Variants in NOTCH2 observed in about 807,000 individuals in gnomAD.
NOTCH2 encodes the protein neurogenic locus notch homolog protein 2.
A neutral mutation model predicts 235.8 loss-of-function variants in NOTCH2; 29 were observed. The ratio of observed to expected loss-of-function variants is 0.12; its 90% CI spans 0.09 to 0.17. The LOEUF (loss-of-function observed/expected upper bound fraction) is 0.17, where lower values mean the gene tolerates loss of function less well. NOTCH2 is among the 10% of genes least tolerant of loss of function. The pLI is 1.00. For synonymous variants in NOTCH2, 1,086 were observed against 1,141.5 expected (o/e 0.95, Z 0.98); for missense variants, 2,285 against 3,150.2 (o/e 0.73, Z 6.57).
intron 4 of NOTCH2, 144 bp from the exon 5 acceptor site, chr1:119,987,226 A>C (rs1652054712): frequency 1.1e-6 from 1 of 939,280 alleles, no homozygotes; most frequent in Non-Finnish European, 1.6e-6. Flanking sequence ...ACCATATGAA[A>C]AATCCCCAAT....
intron 1 of NOTCH2, among the ~76,000 whole-genome samples, chr1:120,038,799 G>C (rs1654421188): frequency 6.7e-6 from 1 of 150,322 alleles, no homozygotes; most frequent in Admixed American, 6.6e-5. Context: ...TGAGAAAGTA[G>C]AATTGTACTT....
In NOTCH2 at chr1:119,925,137, T is replaced by C. The variant is rs587619933; in HGVS notation, c.4511+168A>G. Among the ~76,000 whole-genome samples, 9 of 152,258 alleles carry C rather than the reference T, an allele frequency of 5.9e-5. No homozygotes were observed. The East Asian group carries it at 1.4e-3, about 23-fold the overall frequency. ...TTATGCAATGAGCATTCCTGGCCCATTGTCAGCAAGGGAGAGCACAGGGCA... is the reference window on the plus strand; with the variant it reads ...TTATGCAATGAGCATTCCTGGCCCACTGTCAGCAAGGGAGAGCACAGGGCA... On this transcript the variant is annotated intron_variant, in intron 25 of 33. Coordinates refer to ENST00000256646, the MANE Select transcript of NOTCH2 (RefSeq NM_024408.4).
At chr1:119,973,950 C>T (rs587658138) in intron 5 of NOTCH2, among the ~76,000 whole-genome samples, 2 of 151,580 alleles carry the variant, frequency 1.3e-5, no homozygotes, top group African/African-American at 2.4e-5. Context: ...AGTATGAATT[C>T]GGAACTTGAT....
Position 119,973,116 on chromosome 1 carries a change from A to G in NOTCH2, c.875-3372T>C, listed in dbSNP as rs587635595. Reference sequence around the variant, plus strand: ...TTCGATAGTGCTTGTTAGGGACAGGAAATTTAGAGATCCAAGAAGATAGTG... The same window carrying G: ...TTCGATAGTGCTTGTTAGGGACAGGGAATTTAGAGATCCAAGAAGATAGTG... On this transcript the variant is annotated intron_variant, in intron 5 of 33. Transcript: ENST00000256646. 1.5e-4 allele frequency among the ~76,000 whole-genome samples: 23 copies of G among 152,322 alleles called. No individual in the cohort carries two copies. The East Asian group carries it at 3.5e-3, about 23-fold the overall frequency.
chr1:119,986,351 A>G (rs1553202215), intron 5 of NOTCH2, among the ~76,000 whole-genome samples: 2 of 152,342 alleles, frequency 1.3e-5, no homozygotes, highest in East Asian at 3.9e-4. Flanking sequence ...GAAACTTCCA[A>G]GAGGCTGTAA....
rs1038759531 is a variant in NOTCH2, at chr1:119,914,933, A to G, written c.*373T>C. On this transcript the variant is annotated 3_prime_UTR_variant, in exon 34 of 34. Transcript: ENST00000256646. ...ATAATTCCCAACAGGACGCTAGTGT[A>G]GAATCTTCTCATGGATATGGCAGAA... 12 of 403,382 alleles carry G rather than the reference A, an allele frequency of 3.0e-5. No homozygotes were observed. Among genetic ancestry groups the G allele is most frequent in the Non-Finnish European group, 5.1e-5 (11 of 217,306 alleles). The allele number at this position is 403,382 out of a possible 1,614,324, so 25.0% of individuals were successfully genotyped here.
In NOTCH2 at chr1:120,066,115, T is replaced by C. The variant is rs2799245; in HGVS notation, c.73+3219A>G. ...CTTCTAAAGGGTCAATGCAGACATATTGCACCCAGATAAATAGAAGAAATG... is the reference window on the plus strand; with the variant it reads ...CTTCTAAAGGGTCAATGCAGACATACTGCACCCAGATAAATAGAAGAAATG... On this transcript the variant is annotated intron_variant, in intron 1 of 33. Coordinates refer to ENST00000256646, the MANE Select transcript of NOTCH2 (RefSeq NM_024408.4). Among the ~76,000 whole-genome samples, 55 of 152,250 alleles carry C rather than the reference T, an allele frequency of 3.6e-4. 1 individual carries two copies. In the East Asian group the frequency reaches 7.5e-3, roughly 21 times the overall value.
chr1:119,970,870 G>C (rs955590539), intron 5 of NOTCH2, among the ~76,000 whole-genome samples: 1 of 152,150 alleles, frequency 6.6e-6, no homozygotes, highest in African/African-American at 2.4e-5. Context: ...AATATGTCAA[G>C]GTGTCCTTCA....
intron 12 of NOTCH2, among the ~76,000 whole-genome samples, chr1:119,958,215 C>G (rs1323888238): frequency 6.6e-6 from 1 of 152,152 alleles, no homozygotes; most frequent in African/African-American, 2.4e-5. Context: ...TGCAGAACAT[C>G]AGGCTACTAC....
intron 3 of NOTCH2, among the ~76,000 whole-genome samples, chr1:119,999,903 AAGAG>A (rs1239709294): frequency 1.4e-5 from 2 of 144,524 alleles, no homozygotes; most frequent in African/African-American, 2.6e-5. Flanking sequence ...AAGAGAGAGA[AAGAG>A]AGAAAGAGAG....
rs1403072397 is a variant in NOTCH2, at chr1:119,929,003, G to C, written c.3865C>G (p.Leu1289Val). ...LDCIQLTNDY[L>V]CVCRSAFTGR... Reference sequence around the variant, plus strand: ...GTAAAGGCACTACGGCAAACACACAGGTAGTCATTGGTGAGCTGTATACAG... The same window carrying C: ...GTAAAGGCACTACGGCAAACACACACGTAGTCATTGGTGAGCTGTATACAG... The change falls in exon 23 of 34, where the codon CTG (leucine) becomes GTG (valine). Residue 1289 changes from leucine (L) to valine (V), a missense_variant. Transcript: ENST00000256646. 2.7e-5 allele frequency: 44 copies of C among 1,614,150 alleles called. No homozygotes were observed. The highest frequency in any genetic ancestry group is 3.7e-5 in the Non-Finnish European group (44 of 1,180,018).
Position 119,915,216 on chromosome 1 carries a change from T to G in NOTCH2, c.*90A>C. 2.2e-6 allele frequency: 3 copies of G among 1,338,126 alleles called. No individual in the cohort carries two copies. The highest frequency in any genetic ancestry group is 3.2e-6 in the Non-Finnish European group (3 of 939,306). The allele number at this position is 1,338,126 out of a possible 1,614,324, so 82.9% of individuals were successfully genotyped here. A position where few individuals can be genotyped will look rare whatever the true frequency, so the allele number is the denominator to read the frequency against. ...TACCTCTAGAAGCTGGCTCCAGAGATTTCTTCATTTCTCTCCCGGATGACC... is the reference window on the plus strand; with the variant it reads ...TACCTCTAGAAGCTGGCTCCAGAGAGTTCTTCATTTCTCTCCCGGATGACC... On this transcript the variant is annotated 3_prime_UTR_variant, in exon 34 of 34. Transcript: ENST00000256646.
intron 5 of NOTCH2, among the ~76,000 whole-genome samples, chr1:119,979,197 G>A (rs1651714916): frequency 6.6e-6 from 1 of 152,170 alleles, no homozygotes; most frequent in Admixed American, 6.5e-5. Context: ...AACCTTAAGA[G>A]AGCTCTCACA....
At chr1:119,957,496 A>G (rs1553198477) in intron 12 of NOTCH2, among the ~76,000 whole-genome samples, 3 of 152,208 alleles carry the variant, frequency 2.0e-5, no homozygotes, top group Non-Finnish European at 4.4e-5. Context: ...ATGATATGGG[A>G]AAAATATATT....
chr1:120,065,760 C>A (rs1408305197), intron 1 of NOTCH2, among the ~76,000 whole-genome samples: 3 of 151,914 alleles, frequency 2.0e-5, no homozygotes, highest in African/African-American at 7.3e-5. Context: ...AAGTCATTTG[C>A]AGAGAAAGGG....
At chr1:119,953,303 A>G (rs1650555705) in intron 14 of NOTCH2, among the ~76,000 whole-genome samples, 1 of 138,592 alleles carries the variant, frequency 7.2e-6, no homozygotes, top group African/African-American at 3.4e-5. Flanking sequence ...ACAAGAGCAA[A>G]ACTCTGTGTC....
chr1:119,970,082 G>A (rs1651303312), intron 5 of NOTCH2, among the ~76,000 whole-genome samples: 2 of 152,152 alleles, frequency 1.3e-5, no homozygotes, highest in Non-Finnish European at 2.9e-5. Context: ...AGCAAGGAGA[G>A]AAGAGTATAA....
At chr1:120,045,807 A>AT (rs1409162309) in intron 1 of NOTCH2, among the ~76,000 whole-genome samples, 2 of 152,242 alleles carry the variant, frequency 1.3e-5, no homozygotes, top group Non-Finnish European at 1.5e-5. Flanking sequence ...AAAAGAACAA[A>AT]TATCTTAGAC....
At chr1:120,024,107 G>C (rs1653749043) in intron 2 of NOTCH2, among the ~76,000 whole-genome samples, 1 of 146,460 alleles carries the variant, frequency 6.8e-6, no homozygotes, top group South Asian at 2.2e-4. Flanking sequence ...CCAAGCTTCT[G>C]CTATCATTTT....
Sources: allele counts gnomAD v4.1 joint callset (sites outside exome capture counted in the v4.1 genomes callset), GRCh38; gene constraint gnomAD v4.1.1; transcripts MANE v1.5; gene names NCBI Gene and HGNC (gene_info 2026-07-23, HGNC 2026-07-21).